CALCR: variants seen among roughly 807,000 people sequenced by gnomAD.
CALCR encodes the protein calcitonin receptor.
In CALCR, 47 loss-of-function variants were observed where a neutral mutation model predicts 59.5. The observed-to-expected ratio is 0.79, with a 90% CI of 0.63 to 1.01. The LOEUF (loss-of-function observed/expected upper bound fraction) is 1.01. Among genes scored for constraint, CALCR ranks in the 50% least tolerant of loss-of-function variants. The pLI, the probability that CALCR is intolerant of heterozygous loss-of-function variation, is 0.00. For synonymous variants in CALCR, 213 were observed against 211.3 expected (o/e 1.01, Z -0.07); for missense variants, 566 against 597.1 (o/e 0.95, Z 0.54).
intron 8 of CALCR, among the ~76,000 whole-genome samples, chr7:93,453,759 T>C (rs771355665): frequency 6.6e-6 from 1 of 152,000 alleles, no homozygotes; most frequent in African/African-American, 2.4e-5. Context: ...AGATTGGGTA[T>C]ATGTTTATAT....
chr7:93,443,784 G>T, intron 8 of CALCR, 27 bp from the exon 9 acceptor site: 1 of 1,606,322 alleles, frequency 6.2e-7, no homozygotes, highest in South Asian at 1.1e-5. Flanking sequence ...AAGATACTCA[G>T]AGAAAGACAC....
At chr7:93,465,968 A>G (rs57668260) in intron 7 of CALCR, among the ~76,000 whole-genome samples, 12,779 of 151,702 alleles carry the variant, frequency 0.084, 1,061 homozygotes, top group East Asian at 0.29. Flanking sequence ...GGACAGCTGC[A>G]GGGTTCCTCC....
At position 93,460,927 on chromosome 7, in the gene CALCR, A is replaced by G. The variant is rs1317905131; in HGVS notation, c.542T>C (p.Val181Ala). 2 of 1,610,348 alleles carry G rather than the reference A, an allele frequency of 1.2e-6. No homozygotes were observed. Among genetic ancestry groups the G allele is most frequent in the South Asian group, 1.1e-5 (1 of 90,342 alleles). Residue 181 changes from valine (V) to alanine (A), a missense_variant, in exon 8 of 14, where the codon GTA becomes GCA. Val to Ala is a moderately conservative substitution (Grantham distance 64). Transcript: ENST00000426151. ...AAGAAACATGTTCTTGTGCAGGGTT[A>G]CCCTTTGGCAGCCAAGGCTCCTGGA... ...VFFRSLGCQR[V>A]TLHKNMFLTY...
At chr7:93,471,421 C>T (rs996032262) in intron 6 of CALCR, among the ~76,000 whole-genome samples, 1 of 151,768 alleles carries the variant, frequency 6.6e-6, no homozygotes, top group African/African-American at 2.4e-5. Context: ...GGTGTCCCTC[C>T]TATTCAAGTG....
intron 5 of CALCR, among the ~76,000 whole-genome samples, chr7:93,475,344 T>A (rs1161588975): frequency 6.6e-6 from 1 of 151,820 alleles, no homozygotes; most frequent in African/African-American, 2.4e-5. Context: ...AGATAGCCAC[T>A]AGACAAACCC....
At chr7:93,573,703 G>A (rs1442592469) in intron 2 of CALCR, among the ~76,000 whole-genome samples, 2 of 152,162 alleles carry the variant, frequency 1.3e-5, no homozygotes, top group Non-Finnish European at 2.9e-5. Flanking sequence ...GGCTTGGGAA[G>A]AGCATCATGA....
intron 13 of CALCR, 23 bp from the exon 14 acceptor site, chr7:93,426,612 G>A (rs762948255): frequency 1.2e-5 from 15 of 1,212,898 alleles, no homozygotes; most frequent in Non-Finnish European, 1.8e-5. Flanking sequence ...AAGGAGCCTT[G>A]TTTTTATATG....
intron 2 of CALCR, among the ~76,000 whole-genome samples, chr7:93,496,609 C>T (rs17788636): frequency 0.18 from 27,348 of 151,314 alleles, 3,287 homozygotes; most frequent in Non-Finnish European, 0.26. Context: ...ATCTCACAGG[C>T]GATTATTCCT....
At chr7:93,557,232 A>C (rs1261682545) in intron 2 of CALCR, among the ~76,000 whole-genome samples, 1 of 152,026 alleles carries the variant, frequency 6.6e-6, no homozygotes, top group African/African-American at 2.4e-5. Flanking sequence ...TAAAATGAAG[A>C]TAATAAGAGT....
chr7:93,502,659 C>T (rs1454466921), intron 2 of CALCR, among the ~76,000 whole-genome samples: 2 of 151,874 alleles, frequency 1.3e-5, no homozygotes, highest in Non-Finnish European at 2.9e-5. Flanking sequence ...TAGAAATGTC[C>T]ATCATAACTT....
intron 2 of CALCR, among the ~76,000 whole-genome samples, chr7:93,526,867 C>G (rs772216507): frequency 2.0e-5 from 3 of 151,900 alleles, no homozygotes; most frequent in Non-Finnish European, 2.9e-5. Context: ...AGATTGTGAC[C>G]AATTAAAAAT....
rs1306180337 is a variant in CALCR, at chr7:93,434,242, T to C, written c.1191+11A>G. On this transcript the variant is annotated intron_variant, in intron 13 of 13. Coordinates refer to ENST00000426151, the MANE Select transcript of CALCR (RefSeq NM_001742.4). ...AAACAAGTGATAGTATTATATGAAA[T>C]GCATGCTTACCTCATTGTTGCAGAA... 1 of 1,597,704 alleles carries C rather than the reference T, an allele frequency of 6.3e-7. No individual in the cohort carries two copies. The highest frequency in any genetic ancestry group is 8.6e-7 in the Non-Finnish European group (1 of 1,165,360).
At chr7:93,477,700 C>G (rs1442897797) in intron 4 of CALCR, 32 bp from the exon 5 acceptor site, 7 of 1,364,008 alleles carry the variant, frequency 5.1e-6, no homozygotes, top group South Asian at 1.2e-5. Context: ...GATATTGAAG[C>G]CTTGTGGATT....
At chr7:93,504,221 T>C (rs1801379840) in intron 2 of CALCR, among the ~76,000 whole-genome samples, 1 of 152,214 alleles carries the variant, frequency 6.6e-6, no homozygotes. Context: ...CTTATTGTTG[T>C]TTGGCTTCTT....
At chr7:93,439,536 T>A (rs371074892) in intron 9 of CALCR, among the ~76,000 whole-genome samples, 7 of 152,134 alleles carry the variant, frequency 4.6e-5, no homozygotes, top group South Asian at 4.1e-4. Flanking sequence ...CCACACCTTT[T>A]AACGCCCAGG....
intron 2 of CALCR, among the ~76,000 whole-genome samples, chr7:93,533,765 C>G (rs569085783): frequency 6.6e-6 from 1 of 151,730 alleles, no homozygotes; most frequent in East Asian, 1.9e-4. Context: ...TAAAAAGTGT[C>G]AATGTTTTAG....
intron 2 of CALCR, among the ~76,000 whole-genome samples, chr7:93,510,816 A>G (rs1356594710): frequency 3.9e-5 from 6 of 152,070 alleles, no homozygotes; most frequent in African/African-American, 1.4e-4. Context: ...GAGCTATGAT[A>G]GCACCACTGC....
At chr7:93,503,579 T>G (rs924280456) in intron 2 of CALCR, among the ~76,000 whole-genome samples, 21 of 152,116 alleles carry the variant, frequency 1.4e-4, no homozygotes, top group Non-Finnish European at 2.9e-4. Flanking sequence ...TTTGCAACAT[T>G]GACGGGAATT....
At chr7:93,560,704 C>T (rs1246082294) in intron 2 of CALCR, among the ~76,000 whole-genome samples, 5 of 152,090 alleles carry the variant, frequency 3.3e-5, no homozygotes, top group African/African-American at 7.2e-5. Context: ...GGTGGAGGCA[C>T]ATTTAAATCA....
Sources: gnomAD v4.1 joint callset for allele counts (sites outside exome capture counted in the v4.1 genomes callset) on GRCh38, gnomAD v4.1.1 for gene constraint, MANE v1.5 for transcripts, NCBI Gene and HGNC (gene_info 2026-07-23, HGNC 2026-07-21) for gene names.